The following PALLD variants were observed in gnomAD, a reference collection of about 807,000 sequenced individuals.
The protein encoded by PALLD is palladin.
Under a neutral mutation model 123.5 loss-of-function variants are expected in PALLD, and 61 were observed. The ratio of observed to expected loss-of-function variants is 0.49; its 90% CI spans 0.40 to 0.61. The LOEUF is 0.61. Ranked by LOEUF, PALLD falls within the 20% of genes least tolerant of loss-of-function variation. The pLI is 0.00. For missense variants in PALLD, 1,273 were observed against 1,377.0 expected (o/e 0.92, Z 1.20); for synonymous variants, 465 against 496.4 (o/e 0.94, Z 0.84).
chr4:168,616,560 T>A (rs1410448003), intron 2 of PALLD, among the ~76,000 whole-genome samples: 1 of 152,176 alleles, frequency 6.6e-6, no homozygotes, highest in African/African-American at 2.4e-5. Flanking sequence ...CCAGGTTTTC[T>A]CATACCTCGG....
At chr4:168,788,185 A>G (rs868860084) in intron 10 of PALLD, among the ~76,000 whole-genome samples, 1 of 152,192 alleles carries the variant, frequency 6.6e-6, no homozygotes, top group South Asian at 2.1e-4. Flanking sequence ...CAACCTAAGT[A>G]CTAAATCACA....
At chr4:168,639,601 T>C (rs940057313) in intron 2 of PALLD, among the ~76,000 whole-genome samples, 2 of 151,512 alleles carry the variant, frequency 1.3e-5, no homozygotes, top group African/African-American at 4.9e-5. Flanking sequence ...TGGAGTGCAG[T>C]GGTGTGATCT....
At chr4:168,852,807 T>G (rs62332976) in intron 10 of PALLD, among the ~76,000 whole-genome samples, 93,667 of 151,392 alleles carry the variant, frequency 0.62, 33,008 homozygotes, top group East Asian at 0.95. Context: ...GGCTACAATT[T>G]CTCTTAATTC....
At chr4:168,733,549 A>G (rs1787384188) in intron 10 of PALLD, among the ~76,000 whole-genome samples, 2 of 145,026 alleles carry the variant, frequency 1.4e-5, no homozygotes, top group Non-Finnish European at 3.0e-5. Context: ...AGCAATTAAG[A>G]AAATGTGAAA....
intron 10 of PALLD, among the ~76,000 whole-genome samples, chr4:168,822,904 T>G (rs1193486914): frequency 5.3e-5 from 8 of 152,116 alleles, no homozygotes. Context: ...AGAGAATAGG[T>G]GGTAGAGCTT....
At chr4:168,503,485 A>G (rs1761645260) in intron 1 of PALLD, among the ~76,000 whole-genome samples, 1 of 152,014 alleles carries the variant, frequency 6.6e-6, no homozygotes, top group Non-Finnish European at 1.5e-5. Flanking sequence ...TGTCTCTACT[A>G]AAAATACAAA....
intron 10 of PALLD, among the ~76,000 whole-genome samples, chr4:168,887,867 C>A (rs1560859340): frequency 6.6e-6 from 1 of 151,926 alleles, no homozygotes; most frequent in Non-Finnish European, 1.5e-5. Context: ...GACAGTACAT[C>A]CATTCACTCA....
chr4:168,619,705 C>T (rs545920804), intron 2 of PALLD, among the ~76,000 whole-genome samples: 7 of 152,162 alleles, frequency 4.6e-5, no homozygotes, highest in Non-Finnish European at 7.3e-5. Flanking sequence ...GTACTTATGA[C>T]GAGCTCCAGG....
At chr4:168,764,845 A>T (rs1391989089) in intron 10 of PALLD, among the ~76,000 whole-genome samples, 22 of 152,146 alleles carry the variant, frequency 1.4e-4, no homozygotes, top group Admixed American at 1.4e-3. Flanking sequence ...CCAGGTGTCA[A>T]TAAACAACAC....
chr4:168,514,855 T>A (rs1762848906), intron 2 of PALLD, among the ~76,000 whole-genome samples: 1 of 152,236 alleles, frequency 6.6e-6, no homozygotes, highest in African/African-American at 2.4e-5. Context: ...AATTACTGTA[T>A]TAAAATTCAC....
chr4:168,782,358 T>C (rs1736047201), intron 10 of PALLD, among the ~76,000 whole-genome samples: 1 of 152,232 alleles, frequency 6.6e-6, no homozygotes. Flanking sequence ...AGGCAGATAG[T>C]GTCTAGAAAA....
chr4:168,616,123 CA>C (rs1393592911), intron 2 of PALLD, among the ~76,000 whole-genome samples: 4 of 150,216 alleles, frequency 2.7e-5, no homozygotes, highest in African/African-American at 7.3e-5. Context: ...ATTTTGTGAC[CA>C]AAAAAAAATC....
At chr4:168,846,810 G>T (rs1397803648) in intron 10 of PALLD, among the ~76,000 whole-genome samples, 1 of 152,116 alleles carries the variant, frequency 6.6e-6, no homozygotes, top group African/African-American at 2.4e-5. Flanking sequence ...ACCATCACTG[G>T]GTACATGTCC....
intron 17 of PALLD, 47 bp from the exon 18 acceptor site, chr4:168,921,487 A>C: frequency 7.7e-7 from 1 of 1,305,792 alleles, no homozygotes. Flanking sequence ...CAGTGATTTC[A>C]CTCTGTTTTA....
intron 10 of PALLD, among the ~76,000 whole-genome samples, chr4:168,796,278 T>C (rs529246978): frequency 1.3e-5 from 2 of 152,282 alleles, no homozygotes; most frequent in South Asian, 4.1e-4. Context: ...CTGGCCTAAT[T>C]GTTTCTTGAG....
At chr4:168,617,992 C>T (rs2149789039) in intron 2 of PALLD, among the ~76,000 whole-genome samples, 1 of 152,178 alleles carries the variant, frequency 6.6e-6, no homozygotes, top group East Asian at 1.9e-4. Context: ...TTTTGAAGTC[C>T]CTGCTCTTGC....
chr4:168,609,345 C>CAA (rs5863949), intron 2 of PALLD, among the ~76,000 whole-genome samples: 13,713 of 71,374 alleles, frequency 0.19, 1,289 homozygotes, highest in East Asian at 0.31. Flanking sequence ...AAGCTGTTAC[C>CAA]AAAAAAAAAA....
chr4:168,915,428 T>G (rs964549113), intron 16 of PALLD, among the ~76,000 whole-genome samples: 5 of 152,196 alleles, frequency 3.3e-5, no homozygotes, highest in African/African-American at 1.2e-4. Context: ...AAAACTTGCC[T>G]AAAAATGTAA....
intron 10 of PALLD, chr4:168,832,646 G>GGA (rs1056425255): frequency 4.6e-5 from 7 of 152,650 alleles, no homozygotes; most frequent in African/African-American, 1.7e-4. Context: ...CAGCTGGCGG[G>GGA]GAGAGGGTGG....
Sources: allele counts gnomAD v4.1 joint callset (sites outside exome capture counted in the v4.1 genomes callset), GRCh38; gene constraint gnomAD v4.1.1; transcripts MANE v1.5; gene names NCBI Gene and HGNC (gene_info 2026-07-23, HGNC 2026-07-21).